Variants in CCDC88C observed in about 807,000 individuals in gnomAD.
The protein encoded by CCDC88C is protein Daple.
In CCDC88C, 131 loss-of-function variants were observed where a neutral mutation model predicts 198.8. The ratio of observed to expected loss-of-function variants is 0.66; its 90% CI spans 0.57 to 0.76. The LOEUF (loss-of-function observed/expected upper bound fraction) is 0.76. Among genes scored for constraint, CCDC88C ranks in the 30% least tolerant of loss-of-function variants. The probability of loss-of-function intolerance (pLI) is 0.00; values close to 1 mark genes in which losing one functional copy is unlikely to be tolerated. For synonymous variants in CCDC88C, 1,166 were observed against 1,114.7 expected (o/e 1.05, Z -0.92); for missense variants, 2,553 against 2,631.6 (o/e 0.97, Z 0.65).
chr14:91,334,225 C>T (rs955737081), intron 10 of CCDC88C, among the ~76,000 whole-genome samples: 2 of 152,188 alleles, frequency 1.3e-5, no homozygotes, highest in African/African-American at 2.4e-5. Context: ...TTACCACCTG[C>T]GGGTCAACCT....
At chr14:91,337,847 G>A (rs1893116253) in intron 10 of CCDC88C, among the ~76,000 whole-genome samples, 158 bp downstream of exon 10, 3 of 152,206 alleles carry the variant, frequency 2.0e-5, no homozygotes, top group Non-Finnish European at 4.4e-5. Flanking sequence ...GCAAGACGGG[G>A]GCCCTGGGAA....
intron 3 of CCDC88C, among the ~76,000 whole-genome samples, chr14:91,395,765 C>T (rs1005957228): frequency 2.0e-5 from 3 of 152,056 alleles, no homozygotes; most frequent in African/African-American, 7.3e-5. Context: ...TGCAGTGTGC[C>T]CCATCTCTTC....
At position 91,278,290 on chromosome 14, in the gene CCDC88C, C is replaced by T. The variant is rs1488538784; in HGVS notation, c.4769-79G>A. ...GTGGCTTCTAGAGGCTTCGTGCTGC[C>T]TTTGCCCACTTCAAACTATCAGAAT... On this transcript the variant is annotated intron_variant, in intron 28 of 29. Coordinates refer to ENST00000389857, the MANE Select transcript of CCDC88C (RefSeq NM_001080414.4). The T allele has an allele frequency of 2.2e-5, 30 of 1,333,348 alleles. No homozygotes were observed. The South Asian group carries it at 4.5e-4, about 20-fold the overall frequency. 82.6% of individuals were successfully genotyped at this position (1,333,348 alleles called of 1,614,324 possible).
intron 4 of CCDC88C, among the ~76,000 whole-genome samples, chr14:91,349,091 CCT>C (rs1184851213): frequency 1.3e-5 from 2 of 152,182 alleles, no homozygotes; most frequent in African/African-American, 4.8e-5. Flanking sequence ...CAGAAGATTC[CCT>C]CCTGGGTCCT....
In CCDC88C at chr14:91,371,929, A is replaced by T. The variant is rs1360465766; in HGVS notation, c.271-12218T>A. 6.6e-6 allele frequency among the ~76,000 whole-genome samples: 1 copy of T among 152,178 alleles called. No homozygotes were observed. Among genetic ancestry groups the T allele is most frequent in the Non-Finnish European group, 1.5e-5 (1 of 68,008 alleles). The stretch of plus-strand genomic sequence containing the variant: ...GGTAGATGGCAGCCCAGACCACCCC[A>T]GCCTGCTGGGACCTGTGAGGGTGGG... On this transcript the variant is annotated intron_variant, in intron 3 of 29. Transcript: ENST00000389857. The surrounding 1 kb of genome is among the most constrained non-coding windows in gnomAD (Gnocchi z 4.2).
In CCDC88C at chr14:91,272,979, T is replaced by A; in HGVS notation, c.5733A>T (p.Ala1911=). Residue 1911 remains alanine, a synonymous_variant, in exon 30 of 30, where the codon GCA becomes GCT. Transcript: ENST00000389857. ...TGCCAGCAGCAGCAGCACCAGCACC[T>A]GCAGTGGCAATGGCGGGGGCTGTGG... is the stretch of plus-strand genomic sequence containing the variant. The part of the protein sequence containing the change: ...QSATAPAIAT[A]GAGAAAAGSG... 1 of 1,557,260 alleles carries A rather than the reference T, an allele frequency of 6.4e-7. No individual in the cohort carries two copies. Among genetic ancestry groups the A allele is most frequent in the Non-Finnish European group, 8.6e-7 (1 of 1,156,936 alleles).
chr14:91,414,943 G>A (rs897627428), intron 2 of CCDC88C, among the ~76,000 whole-genome samples: 2 of 152,144 alleles, frequency 1.3e-5, no homozygotes, highest in Admixed American at 6.5e-5. Flanking sequence ...TCAAAGGAAC[G>A]GTCCAACAGG....
intron 3 of CCDC88C, among the ~76,000 whole-genome samples, chr14:91,375,766 C>T (rs8012465): frequency 7.2e-5 from 11 of 152,334 alleles, no homozygotes; most frequent in Admixed American, 5.2e-4. Flanking sequence ...CAACCCTGTC[C>T]GTGCCCGGAG....
Position 91,371,659 on chromosome 14 carries a change from C to G in CCDC88C, c.271-11948G>C, listed in dbSNP as rs908570303. 1.3e-5 allele frequency among the ~76,000 whole-genome samples: 2 copies of G among 152,134 alleles called. No individual in the cohort carries two copies. On this transcript the variant is annotated intron_variant, in intron 3 of 29. Transcript: ENST00000389857. This position sits in a 1 kb window ranked among gnomAD's most constrained non-coding sequence, Gnocchi z 4.2. ...TCTGTCCTGGGCACACCCTCCCTAG[C>G]TCAGCAGAAGCAAGGCCTTCCTCGT...
chr14:91,318,634 C>T (rs1004451082), intron 13 of CCDC88C, among the ~76,000 whole-genome samples: 1 of 152,132 alleles, frequency 6.6e-6, no homozygotes, highest in Non-Finnish European at 1.5e-5. Context: ...TGTTCCCAGC[C>T]TCAGAGATCA....
intron 3 of CCDC88C, among the ~76,000 whole-genome samples, chr14:91,374,797 T>C (rs185997885): frequency 1.3e-5 from 2 of 152,082 alleles, no homozygotes; most frequent in Admixed American, 6.5e-5. Context: ...ATCCCAGGGG[T>C]AGTTTAAGCT....
chr14:91,385,496 C>A (rs1371722892), intron 3 of CCDC88C, among the ~76,000 whole-genome samples: 2 of 152,190 alleles, frequency 1.3e-5, no homozygotes, highest in East Asian at 1.9e-4. Context: ...GCTTGCCCAG[C>A]CCTGGGAGGT....
At chr14:91,300,683 C>T (rs562080627) in intron 20 of CCDC88C, among the ~76,000 whole-genome samples, 1 of 152,192 alleles carries the variant, frequency 6.6e-6, no homozygotes, top group African/African-American at 2.4e-5. Context: ...CTCACCGTCC[C>T]CACAACTTTC....
chr14:91,372,529 G>C (rs1342536427), intron 3 of CCDC88C, among the ~76,000 whole-genome samples: 1 of 75,606 alleles, frequency 1.3e-5, no homozygotes, highest in Non-Finnish European at 2.7e-5. Context: ...GCAGTGGTGC[G>C]GGGGGGGGCG....
intron 21 of CCDC88C, among the ~76,000 whole-genome samples, chr14:91,299,461 G>A (rs1891174287): frequency 6.6e-6 from 1 of 152,234 alleles, no homozygotes; most frequent in Admixed American, 6.5e-5. Flanking sequence ...AGCTGGGAAG[G>A]TGCGCATCCA....
At chr14:91,360,494 T>C (rs1011005115) in intron 3 of CCDC88C, among the ~76,000 whole-genome samples, 1 of 152,224 alleles carries the variant, frequency 6.6e-6, no homozygotes, top group Non-Finnish European at 1.5e-5. Flanking sequence ...GAGATGCTAC[T>C]GAGCCTTTCT....
intron 27 of CCDC88C, 191 bp downstream of exon 27, chr14:91,281,266 C>T (rs948083413): frequency 1.9e-5 from 28 of 1,436,344 alleles, no homozygotes; most frequent in Non-Finnish European, 2.5e-5. Context: ...AGCGAATTCC[C>T]CACCACTGGA....
rs1419971924 is a variant in CCDC88C, at chr14:91,370,245, T to TCTC, written c.271-10537_271-10535dup. 2.0e-5 allele frequency among the ~76,000 whole-genome samples: 3 copies of TCTC among 152,024 alleles called. No individual in the cohort carries two copies. The East Asian group carries it at 5.8e-4, about 29-fold the overall frequency. The stretch of plus-strand genomic sequence containing the variant: ...CTCCACAGTCTCTAAAGGACTTCAG[T>TCTC]CTCCTTCAGAAGGGGGAAGGGAGGG... On this transcript the variant is annotated intron_variant, in intron 3 of 29. Coordinates refer to ENST00000389857, the MANE Select transcript of CCDC88C (RefSeq NM_001080414.4).
At chr14:91,348,322 T>TA (rs11449969) in intron 4 of CCDC88C, among the ~76,000 whole-genome samples, 91,873 of 117,314 alleles carry the variant, frequency 0.78, 36,215 homozygotes, top group East Asian at 0.86. Context: ...CTATCTCTAT[T>TA]AAAAAAAAAA....
Sources: gnomAD v4.1 joint callset for allele counts (sites outside exome capture counted in the v4.1 genomes callset) on GRCh38, gnomAD v4.1.1 for gene constraint, Gnocchi (gnomAD v3.1) non-coding constraint, MANE v1.5 for transcripts, NCBI Gene and HGNC (gene_info 2026-07-23, HGNC 2026-07-21) for gene names.